Variants in SFRP1 observed in about 807,000 individuals in gnomAD.
SFRP1 encodes the protein secreted frizzled related protein 1.
In SFRP1, 9 loss-of-function variants were observed where a neutral mutation model predicts 25.9. The observed-to-expected ratio is 0.35, with a 90% confidence interval of 0.21 to 0.61. The LOEUF (loss-of-function observed/expected upper bound fraction) is 0.61, where lower values mean the gene tolerates loss of function less well. Ranked by LOEUF, SFRP1 falls within the 20% of genes least tolerant of loss-of-function variation. SFRP1 has a pLI of 0.78. For synonymous variants in SFRP1, 178 were observed against 174.0 expected (o/e 1.02, Z -0.18); for missense variants, 346 against 418.2 (o/e 0.83, Z 1.51).
intron 2 of SFRP1, chr8:41,271,111 C>T (rs960143292): frequency 6.5e-6 from 1 of 154,214 alleles, no homozygotes. Context: ...CTGCAAAAAC[C>T]GTAGTTACTT....
chr8:41,266,653 G>A (rs1416605147), intron 2 of SFRP1, among the ~76,000 whole-genome samples: 1 of 151,420 alleles, frequency 6.6e-6, no homozygotes, highest in Admixed American at 6.6e-5. Flanking sequence ...CAGAACTCCT[G>A]GACTCAAGAA....
chr8:41,298,772 C>G (rs903019245), intron 2 of SFRP1, among the ~76,000 whole-genome samples: 5 of 152,082 alleles, frequency 3.3e-5, no homozygotes. Flanking sequence ...ATCAAACATA[C>G]CCCATAAATA....
chr8:41,307,971 AG>A (rs1585524817), intron 1 of SFRP1, among the ~76,000 whole-genome samples: 1 of 152,222 alleles, frequency 6.6e-6, no homozygotes, highest in Admixed American at 6.5e-5. Context: ...CAGCCCTCCG[AG>A]GGCAGAGCTG....
At chr8:41,276,441 G>A (rs1203340422) in intron 2 of SFRP1, among the ~76,000 whole-genome samples, 2 of 152,198 alleles carry the variant, frequency 1.3e-5, no homozygotes, top group African/African-American at 4.8e-5. Flanking sequence ...AAGTCCTACT[G>A]ACAATGGCCT....
chr8:41,265,507 A>G lies in SFRP1; in HGVS notation c.623-18T>C. 1 of 1,563,788 alleles carries G rather than the reference A, an allele frequency of 6.4e-7. No individual in the cohort carries two copies. The highest frequency in any genetic ancestry group is 8.6e-7 in the Non-Finnish European group (1 of 1,157,352). ...CCTCAGTGCTAGAGATGGAGAGGACAGAAGAAGAGAAAAGAGGGTAAGAGA... is the reference window on the plus strand; with the variant it reads ...CCTCAGTGCTAGAGATGGAGAGGACGGAAGAAGAGAAAAGAGGGTAAGAGA... On this transcript the variant is annotated intron_variant, in intron 2 of 2. Transcript: ENST00000220772.
intron 2 of SFRP1, among the ~76,000 whole-genome samples, chr8:41,284,069 G>A (rs769159469): frequency 2.6e-5 from 4 of 152,144 alleles, no homozygotes; most frequent in Non-Finnish European, 5.9e-5. Flanking sequence ...AAGATTGTCA[G>A]CAAGTAGGAT....
At chr8:41,275,119 A>G (rs1803555490) in intron 2 of SFRP1, 1 of 425,874 alleles carries the variant, frequency 2.3e-6, no homozygotes. Flanking sequence ...ATTTACTTAG[A>G]ACTGGAAGAG....
chr8:41,284,996 C>T (rs1358690337), intron 2 of SFRP1, among the ~76,000 whole-genome samples: 1 of 152,218 alleles, frequency 6.6e-6, no homozygotes. Flanking sequence ...CCAAGCCAGC[C>T]CGACACTCAG....
At chr8:41,278,838 A>G (rs531489174) in intron 2 of SFRP1, among the ~76,000 whole-genome samples, 1 of 152,326 alleles carries the variant, frequency 6.6e-6, no homozygotes, top group East Asian at 1.9e-4. Flanking sequence ...CTTTGCTGAG[A>G]GACCCCTGAC....
chr8:41,281,032 C>T (rs2117493394), intron 2 of SFRP1, among the ~76,000 whole-genome samples: 1 of 152,360 alleles, frequency 6.6e-6, no homozygotes, highest in African/African-American at 2.4e-5. Context: ...GGGGCCAAGG[C>T]TGAGCCCTGT....
intron 1 of SFRP1, 118 bp from the exon 2 acceptor site, chr8:41,303,656 T>C: frequency 2.8e-6 from 2 of 723,150 alleles, no homozygotes; most frequent in South Asian, 1.6e-5. Context: ...CTTCTGGAAC[T>C]TCTGAAGGGG....
At chr8:41,278,832 G>T (rs1322289461) in intron 2 of SFRP1, among the ~76,000 whole-genome samples, 1 of 152,218 alleles carries the variant, frequency 6.6e-6, no homozygotes, top group African/African-American at 2.4e-5. Flanking sequence ...TGGCCCCTTT[G>T]CTGAGAGACC....
intron 2 of SFRP1, among the ~76,000 whole-genome samples, chr8:41,281,385 G>T (rs1803633879): frequency 6.6e-6 from 1 of 152,210 alleles, no homozygotes; most frequent in Non-Finnish European, 1.5e-5. Context: ...CAGCATGGGG[G>T]GATTGATGTT....
At chr8:41,281,582 A>C (rs939403949) in intron 2 of SFRP1, among the ~76,000 whole-genome samples, 10 of 152,216 alleles carry the variant, frequency 6.6e-5, no homozygotes, top group Admixed American at 3.9e-4. Flanking sequence ...TGTGGCTCCT[A>C]TCTCTTGTGA....
In SFRP1 at chr8:41,262,720, C is replaced by G. The variant is rs1222538602; in HGVS notation, c.*2447G>C. 3 of 152,140 alleles carry G rather than the reference C, an allele frequency of 2.0e-5. No homozygotes were observed. The highest frequency in any genetic ancestry group is 6.5e-5 in the Admixed American group (1 of 15,274). 9.4% of individuals were successfully genotyped at this position (152,140 alleles called of 1,614,324 possible). ...CCTCTCTCGGAGACCAATGACCAGGCCAATCAGTCTGCACATTGGTTTTGT... is the reference window on the plus strand; with the variant it reads ...CCTCTCTCGGAGACCAATGACCAGGGCAATCAGTCTGCACATTGGTTTTGT... On this transcript the variant is annotated 3_prime_UTR_variant, in exon 3 of 3. Transcript: ENST00000220772.
At chr8:41,300,099 C>G (rs1047502399) in intron 2 of SFRP1, among the ~76,000 whole-genome samples, 1 of 152,218 alleles carries the variant, frequency 6.6e-6, no homozygotes, top group Non-Finnish European at 1.5e-5. Flanking sequence ...CAGAGTAAAA[C>G]ACTGTCCCCC....
chr8:41,264,925 C>T lies in SFRP1; in HGVS notation c.*242G>A, dbSNP rs73621091. 2.3e-3 allele frequency: 1,077 copies of T among 474,880 alleles called. 16 individuals carry two copies. Among genetic ancestry groups the T allele is most frequent in the African/African-American group, 0.02 (1,012 of 51,252 alleles). The allele number at this position is 474,880 out of a possible 1,614,324, so 29.4% of individuals were successfully genotyped here. ...GTGCAGTGGCTGCTGCTCCACATTGCGGATCTTAAAAACCTTCCTAATCTA... is the reference window on the plus strand; with the variant it reads ...GTGCAGTGGCTGCTGCTCCACATTGTGGATCTTAAAAACCTTCCTAATCTA... On this transcript the variant is annotated 3_prime_UTR_variant, in exon 3 of 3. Transcript: ENST00000220772.
intron 2 of SFRP1, among the ~76,000 whole-genome samples, chr8:41,269,866 A>G (rs1167091450): frequency 6.6e-6 from 1 of 152,228 alleles, no homozygotes; most frequent in Admixed American, 6.5e-5. Flanking sequence ...GGTAAAGTAC[A>G]GAGGGAAAGA....
intron 2 of SFRP1, 62 bp downstream of exon 2, chr8:41,303,399 T>C (rs2117519802): frequency 8.2e-7 from 1 of 1,216,180 alleles, no homozygotes; most frequent in Non-Finnish European, 1.2e-6. Flanking sequence ...GGCCTCCGTC[T>C]GGCAGAGGCA....
Sources: allele counts gnomAD v4.1 joint callset (sites outside exome capture counted in the v4.1 genomes callset), GRCh38; gene constraint gnomAD v4.1.1; transcripts MANE v1.5; gene names NCBI Gene and HGNC (gene_info 2026-07-23, HGNC 2026-07-21).